GPC4: variants seen among roughly 807,000 people sequenced by gnomAD.
The protein encoded by GPC4 is glypican 4, also known as glypican-4.
A neutral mutation model predicts 35.0 loss-of-function variants in GPC4; 10 were observed. That is an observed-to-expected ratio of 0.29 (90% CI 0.18 to 0.48). The LOEUF is 0.48. GPC4 is among the 20% of genes least tolerant of loss of function. The probability of loss-of-function intolerance (pLI) is 0.99; values close to 1 mark genes in which losing one functional copy is unlikely to be tolerated. For synonymous variants in GPC4, 167 were observed against 170.2 expected, an observed-to-expected ratio of 0.98 and a Z score of 0.15; for missense variants, 322 against 451.3, an observed-to-expected ratio of 0.71 and a Z score of 2.60.
At chrX:133,382,552 C>A (rs1323102898) in intron 1 of GPC4, among the ~76,000 whole-genome samples, 2 of 106,791 alleles carry the variant, frequency 1.9e-5, no homozygotes, top group Non-Finnish European at 3.8e-5. Flanking sequence ...CACGGTGAAA[C>A]CCCGTCTCTA....
At chrX:133,340,092 G>A (rs1332724269) in intron 1 of GPC4, among the ~76,000 whole-genome samples, 1 of 110,792 alleles carries the variant, frequency 9.0e-6, no homozygotes, top group African/African-American at 3.3e-5. Flanking sequence ...AGAGTCAAGG[G>A]AAATGTCAAA....
chrX:133,369,347 TC>T (rs1226510174), intron 1 of GPC4, among the ~76,000 whole-genome samples: 1 of 111,616 alleles, frequency 9.0e-6, no homozygotes, highest in Non-Finnish European at 1.9e-5. Flanking sequence ...AAGTTACAGT[TC>T]CCCCAGAACA....
chrX:133,323,958 T>G (rs1408372441), intron 3 of GPC4, among the ~76,000 whole-genome samples, 187 bp downstream of exon 3: 1 of 112,026 alleles, frequency 8.9e-6, no homozygotes, highest in Non-Finnish European at 1.9e-5. Flanking sequence ...ATCACAGTAT[T>G]GTTTAGTAAC....
rs749232280 is a variant in GPC4 at position 133,306,501 on chromosome X, G to T, written c.878-347C>A. 5.4e-5 allele frequency among the ~76,000 whole-genome samples: 6 copies of T among 111,653 alleles called. No homozygotes were observed. The South Asian group carries it at 2.3e-3, about 42-fold the overall frequency. Reference sequence around the variant, plus strand: ...CTCCCAGATGACAAACCTAAGGCTGGAGACAAAATAACATGCCAGCTCTCC... The same window carrying T: ...CTCCCAGATGACAAACCTAAGGCTGTAGACAAAATAACATGCCAGCTCTCC... On this transcript the variant is annotated intron_variant, in intron 4 of 8. Transcript: ENST00000370828.
At chrX:133,304,247 C>T (rs754317871) in intron 7 of GPC4, among the ~76,000 whole-genome samples, 5 of 110,834 alleles carry the variant, frequency 4.5e-5, no homozygotes, top group African/African-American at 1.3e-4. Context: ...TTGCAGTGAG[C>T]CGAGATTGTG....
chrX:133,330,100 G>A (rs947314561), intron 2 of GPC4, among the ~76,000 whole-genome samples: 2 of 111,165 alleles, frequency 1.8e-5, no homozygotes, highest in East Asian at 5.7e-4. Context: ...TAAGAGATTG[G>A]GGCCCTTTTC....
At chrX:133,338,348 G>C (rs886109116) in intron 2 of GPC4, among the ~76,000 whole-genome samples, 1 of 111,636 alleles carries the variant, frequency 9.0e-6, no homozygotes, top group Non-Finnish European at 1.9e-5. Flanking sequence ...CAGGCACAAA[G>C]GAAATCAATC....
At chrX:133,414,628 T>TC (rs2068829817) in intron 1 of GPC4, 178 bp downstream of exon 1, 1 of 752,561 alleles carries the variant, frequency 1.3e-6, no homozygotes, top group Non-Finnish European at 1.6e-6. Context: ...GCGGGGAACG[T>TC]CCTGCGCCCG....
At chrX:133,393,381 A>G (rs950919644) in intron 1 of GPC4, among the ~76,000 whole-genome samples, 2 of 111,204 alleles carry the variant, frequency 1.8e-5, no homozygotes, top group Non-Finnish European at 3.8e-5. Flanking sequence ...CCACCAGCCA[A>G]CAGTTTAGCT....
chrX:133,327,886 T>C (rs1179211549), intron 2 of GPC4, among the ~76,000 whole-genome samples: 1 of 111,316 alleles, frequency 9.0e-6, no homozygotes, highest in Non-Finnish European at 1.9e-5. Flanking sequence ...ATAAAACTGA[T>C]AATAATGAGT....
intron 1 of GPC4, among the ~76,000 whole-genome samples, chrX:133,402,909 G>GAAAAAAA (rs11310772): frequency 4.5e-5 from 3 of 67,086 alleles, no homozygotes; most frequent in African/African-American, 5.1e-5. Context: ...GTCTCAAAAG[G>GAAAAAAA]AAAAAAAAAA....
Position 133,389,123 on chromosome X carries a change from A to AT in GPC4, c.160+25682dup, listed in dbSNP as rs201174344. Among the ~76,000 whole-genome samples, 37 of 108,745 alleles carry AT rather than the reference A, an allele frequency of 3.4e-4. No individual in the cohort carries two copies. The East Asian group carries it at 0.011, about 31-fold the overall frequency. 94.4% of individuals were successfully genotyped at this position (108,745 alleles called of 115,157 possible). A position where few individuals can be genotyped will look rare whatever the true frequency, so the allele number is the denominator to read the frequency against. On this transcript the variant is annotated intron_variant, in intron 1 of 8. Transcript: ENST00000370828. ...AGGCGTGCGCCACTATACCCAGCCA[A>AT]TTTTTTTGTATTCTCAGTAGAGACA...
Position 133,324,163 on chromosome X carries a change from G to A in GPC4, c.693C>T (p.Val231=), listed in dbSNP as rs1030694230. 10 of 1,203,958 alleles carry A rather than the reference G, an allele frequency of 8.3e-6. No individual in the cohort carries two copies. The Admixed American group carries it at 1.1e-4, about 13-fold the overall frequency. ...TACTTACCACGGAGACCTTGCTCAC[G>A]ACATCTCCCGCAACCGCTAAGCCTT... ...FAQGLAVAGD[V]VSKVSVVNPT... The change falls in exon 3 of 9, where the codon GTC becomes GTT. Residue 231 remains valine (V), a synonymous_variant. Coordinates refer to ENST00000370828, the MANE Select transcript of GPC4 (RefSeq NM_001448.3).
chrX:133,334,843 G>A (rs1424135248), intron 2 of GPC4, among the ~76,000 whole-genome samples: 2 of 112,062 alleles, frequency 1.8e-5, no homozygotes, highest in African/African-American at 6.5e-5. Context: ...ATTTAAACAT[G>A]CAGAATATCT....
At chrX:133,387,240 T>C (rs773861745) in intron 1 of GPC4, among the ~76,000 whole-genome samples, 2 of 112,151 alleles carry the variant, frequency 1.8e-5, no homozygotes, top group African/African-American at 6.5e-5. Context: ...AGGCTCTACT[T>C]TGGTCTCCCA....
intron 1 of GPC4, among the ~76,000 whole-genome samples, chrX:133,412,653 G>T (rs2068817852): frequency 9.0e-6 from 1 of 111,624 alleles, no homozygotes; most frequent in African/African-American, 3.3e-5. Context: ...CCTGCTGCTG[G>T]TCACTAATAA....
intron 4 of GPC4, among the ~76,000 whole-genome samples, chrX:133,310,640 G>A (rs1428646138): frequency 8.9e-6 from 1 of 111,912 alleles, no homozygotes; most frequent in East Asian, 2.8e-4. Context: ...CAGAATCCCT[G>A]AATTTCTCAA....
intron 1 of GPC4, among the ~76,000 whole-genome samples, chrX:133,391,688 T>C (rs1267738359): frequency 1.8e-5 from 2 of 111,750 alleles, no homozygotes; most frequent in African/African-American, 6.5e-5. Flanking sequence ...ACCTGGAACA[T>C]TATTGTATAA....
intron 3 of GPC4, among the ~76,000 whole-genome samples, chrX:133,314,235 T>C: frequency 8.9e-6 from 1 of 112,420 alleles, no homozygotes. Flanking sequence ...AAAATAGTTA[T>C]ATTCAGAAAA....
Sources: gnomAD v4.1 joint callset for allele counts (sites outside exome capture counted in the v4.1 genomes callset) on GRCh38, gnomAD v4.1.1 for gene constraint, MANE v1.5 for transcripts, NCBI Gene and HGNC (gene_info 2026-07-23, HGNC 2026-07-21) for gene names.